Variants in SLC27A2 observed in about 807,000 individuals in gnomAD.
SLC27A2 encodes the protein long-chain fatty acid transport protein 2.
A neutral mutation model predicts 60.0 loss-of-function variants in SLC27A2; 54 were observed. The observed-to-expected ratio is 0.90, with a 90% CI of 0.72 to 1.13. The LOEUF (loss-of-function observed/expected upper bound fraction) is 1.13. Ranked by LOEUF, SLC27A2 falls within the 50% of genes most tolerant of loss-of-function variation. The pLI is 0.00. For synonymous variants in SLC27A2, 297 were observed against 297.6 expected (o/e 1.00, Z 0.02); for missense variants, 739 against 777.6 (o/e 0.95, Z 0.59).
chr15:50,197,772 T>C, intron 2 of SLC27A2, 63 bp downstream of exon 2: 1 of 1,227,368 alleles, frequency 8.1e-7, no homozygotes, highest in Non-Finnish European at 1.2e-6. Flanking sequence ...TTGACACAGG[T>C]TTTCAAATCT....
At chr15:50,206,864 G>A (rs982217331) in intron 4 of SLC27A2, among the ~76,000 whole-genome samples, 3 of 152,130 alleles carry the variant, frequency 2.0e-5, no homozygotes, top group African/African-American at 7.2e-5. Context: ...AAAATGTTTG[G>A]GCTTAGCACA....
intron 4 of SLC27A2, among the ~76,000 whole-genome samples, chr15:50,212,760 C>T (rs765670947): frequency 2.0e-5 from 3 of 152,138 alleles, no homozygotes; most frequent in Admixed American, 1.3e-4. Flanking sequence ...GCCATTACCA[C>T]GTTACCACTA....
chr15:50,230,817 T>A (rs2045312019), intron 8 of SLC27A2, among the ~76,000 whole-genome samples: 1 of 152,104 alleles, frequency 6.6e-6, no homozygotes, highest in Non-Finnish European at 1.5e-5. Flanking sequence ...AAAAGAAGAA[T>A]CATACAAAAG....
chr15:50,225,674 G>C (rs2045273081), intron 5 of SLC27A2, among the ~76,000 whole-genome samples: 1 of 152,172 alleles, frequency 6.6e-6, no homozygotes, highest in Non-Finnish European at 1.5e-5. Flanking sequence ...AACATGGATG[G>C]ATGAATATTA....
At chr15:50,187,009 C>A (rs531182922) in intron 1 of SLC27A2, among the ~76,000 whole-genome samples, 1 of 152,154 alleles carries the variant, frequency 6.6e-6, no homozygotes. Context: ...ATGTAAAGGA[C>A]CAGCACAGAG....
intron 5 of SLC27A2, among the ~76,000 whole-genome samples, chr15:50,224,955 G>A (rs2045269217): frequency 1.3e-5 from 2 of 151,628 alleles, no homozygotes; most frequent in Non-Finnish European, 2.9e-5. Flanking sequence ...CTCATCCATT[G>A]ATTGCCATAT....
At chr15:50,233,669 TAAAG>T (rs1462247767) in intron 8 of SLC27A2, among the ~76,000 whole-genome samples, 195 bp from the exon 9 acceptor site, 2 of 152,348 alleles carry the variant, frequency 1.3e-5, no homozygotes, top group East Asian at 3.9e-4. Flanking sequence ...TGGAATATAA[TAAAG>T]ATTCAACCAA....
intron 8 of SLC27A2, among the ~76,000 whole-genome samples, chr15:50,231,324 T>C (rs1176461104): frequency 6.6e-6 from 1 of 151,972 alleles, no homozygotes; most frequent in Non-Finnish European, 1.5e-5. Flanking sequence ...ATTTTGTATT[T>C]TTAGTAAAGA....
At position 50,216,610 on chromosome 15, in the gene SLC27A2, G is replaced by GTGTGTATATA. The variant is rs1323910367; in HGVS notation, c.973-6354_973-6353insGTGTATATAT. On this transcript the variant is annotated intron_variant, in intron 4 of 9. Transcript: ENST00000267842. ...AAGAAACTGTGGTGTGTGTGTGTGT[G>GTGTGTATATA]TATATATATATATATATATATATAT... is the stretch of plus-strand genomic sequence containing the variant. 5.9e-4 allele frequency among the ~76,000 whole-genome samples: 39 copies of GTGTGTATATA among 66,478 alleles called. 1 individual carries two copies. Among genetic ancestry groups the GTGTGTATATA allele is most frequent in the African/African-American group, 2.2e-3 (39 of 18,070 alleles). The allele number at this position is 66,478 out of a possible 152,430, so 43.6% of individuals were successfully genotyped here.
intron 3 of SLC27A2, 65 bp from the exon 4 acceptor site, chr15:50,205,169 CAAATT>C (rs752022167): frequency 1.3e-5 from 20 of 1,522,902 alleles, no homozygotes; most frequent in African/African-American, 6.9e-5. Context: ...TCAAAGTTGA[CAAATT>C]AAACATAACT....
At chr15:50,199,913 C>G (rs1302323621) in intron 2 of SLC27A2, among the ~76,000 whole-genome samples, 1 of 152,164 alleles carries the variant, frequency 6.6e-6, no homozygotes, top group East Asian at 1.9e-4. Context: ...GAGCAAGGCA[C>G]TGTCTGTAGA....
intron 9 of SLC27A2, 40 bp downstream of exon 9, chr15:50,234,038 T>C (rs758014463): frequency 1.3e-6 from 2 of 1,533,632 alleles, no homozygotes; most frequent in South Asian, 2.5e-5. Context: ...TCTGTCCTCT[T>C]GGAGATTCCT....
chr15:50,195,002 A>G (rs2045002183), intron 1 of SLC27A2, among the ~76,000 whole-genome samples: 1 of 152,232 alleles, frequency 6.6e-6, no homozygotes, highest in Admixed American at 6.5e-5. Context: ...TGGTATCAGA[A>G]TAAATATAAA....
chr15:50,202,815 T>A (rs1280008923), intron 3 of SLC27A2, among the ~76,000 whole-genome samples, 170 bp downstream of exon 3: 1 of 152,158 alleles, frequency 6.6e-6, no homozygotes, highest in African/African-American at 2.4e-5. Context: ...TAAAATAATC[T>A]GTTTTTCATG....
chr15:50,208,079 C>T (rs564496829), intron 4 of SLC27A2, among the ~76,000 whole-genome samples: 1 of 152,266 alleles, frequency 6.6e-6, no homozygotes, highest in African/African-American at 2.4e-5. Context: ...CTAACCCCAC[C>T]AGCGACCCCC....
intron 3 of SLC27A2, 129 bp from the exon 4 acceptor site, chr15:50,205,110 G>A: frequency 9.2e-7 from 1 of 1,087,018 alleles, no homozygotes; most frequent in South Asian, 1.9e-5. Flanking sequence ...TGAATATAAG[G>A]TACTCAATAC....
chr15:50,223,435 A>G (rs1049186814), intron 5 of SLC27A2, among the ~76,000 whole-genome samples: 5 of 152,234 alleles, frequency 3.3e-5, no homozygotes, highest in Admixed American at 2.0e-4. Flanking sequence ...TTATACTTGC[A>G]TGTGATAAAA....
intron 4 of SLC27A2, among the ~76,000 whole-genome samples, chr15:50,208,331 G>A (rs1423703208): frequency 6.6e-6 from 1 of 152,176 alleles, no homozygotes; most frequent in African/African-American, 2.4e-5. Flanking sequence ...TTGGCCCCAG[G>A]TACTTAAAGT....
At chr15:50,213,665 A>C (rs2045173954) in intron 4 of SLC27A2, among the ~76,000 whole-genome samples, 1 of 152,180 alleles carries the variant, frequency 6.6e-6, no homozygotes, top group Non-Finnish European at 1.5e-5. Flanking sequence ...GAACCTTCAA[A>C]ACCATGCAAA....
Sources: gnomAD v4.1 joint callset for allele counts (sites outside exome capture counted in the v4.1 genomes callset) on GRCh38, gnomAD v4.1.1 for gene constraint, MANE v1.5 for transcripts, NCBI Gene and HGNC (gene_info 2026-07-23, HGNC 2026-07-21) for gene names.